The following ARMC8 variants were observed in gnomAD, a reference collection of about 807,000 sequenced individuals.
ARMC8 encodes armadillo repeat containing 8.
A neutral mutation model predicts 99.3 loss-of-function variants in ARMC8; 20 were observed. The ratio of observed to expected loss-of-function variants is 0.20; its 90% CI spans 0.14 to 0.29. The LOEUF (loss-of-function observed/expected upper bound fraction) is 0.29, where lower values mean the gene tolerates loss of function less well. ARMC8 is among the 10% of genes least tolerant of loss of function. The pLI is 1.00. For synonymous variants in ARMC8, 263 were observed against 278.3 expected (o/e 0.95, Z 0.55); for missense variants, 569 against 809.5 (o/e 0.70, Z 3.60).
chr3:138,228,678 T>C (rs745846621), intron 5 of ARMC8: 2 of 509,520 alleles, frequency 3.9e-6, no homozygotes, highest in South Asian at 1.5e-5. Context: ...GAGAGAGTTA[T>C]TGAGAATTTC....
intron 7 of ARMC8, 43 bp downstream of exon 7, chr3:138,235,157 G>A (rs1350086170): frequency 1.5e-6 from 2 of 1,338,618 alleles, no homozygotes; most frequent in Non-Finnish European, 2.1e-6. Flanking sequence ...TACCTTGTTT[G>A]TGATTTCTAG....
chr3:138,262,683 TAAA>T (rs111720907), intron 12 of ARMC8: 2 of 1,052,794 alleles, frequency 1.9e-6, no homozygotes, highest in Non-Finnish European at 2.5e-6. Context: ...GACATAGGAT[TAAA>T]AAAAAAAATC....
At chr3:138,197,682 T>C (rs758042825) in intron 1 of ARMC8, among the ~76,000 whole-genome samples, 8 of 152,298 alleles carry the variant, frequency 5.3e-5, no homozygotes, top group Non-Finnish European at 1.0e-4. Flanking sequence ...TAACCTTGCA[T>C]GTGCTTTCCA....
At chr3:138,213,774 G>C (rs1347449372) in intron 2 of ARMC8, among the ~76,000 whole-genome samples, 1 of 152,196 alleles carries the variant, frequency 6.6e-6, no homozygotes, top group Non-Finnish European at 1.5e-5. Context: ...TAAATCATGA[G>C]TGAAAGCTAC....
intron 12 of ARMC8, among the ~76,000 whole-genome samples, chr3:138,260,695 A>G (rs751527290): frequency 3.9e-5 from 6 of 152,210 alleles, no homozygotes; most frequent in African/African-American, 1.2e-4. Flanking sequence ...TGATTGCTAC[A>G]TCATTCTGGT....
chr3:138,188,269 C>G, intron 1 of ARMC8: 1 of 736,214 alleles, frequency 1.4e-6, no homozygotes. Context: ...GCCTGGTATT[C>G]CGTTTTTCTT....
At chr3:138,208,610 T>G (rs1459106060) in intron 1 of ARMC8, among the ~76,000 whole-genome samples, 2 of 152,222 alleles carry the variant, frequency 1.3e-5, no homozygotes, top group Non-Finnish European at 2.9e-5. Flanking sequence ...TTTACTGATT[T>G]GGAGTTCTGA....
At chr3:138,218,891 T>G (rs2045236024) in intron 2 of ARMC8, among the ~76,000 whole-genome samples, 1 of 152,312 alleles carries the variant, frequency 6.6e-6, no homozygotes, top group Admixed American at 6.5e-5. Flanking sequence ...GGTATCTGAC[T>G]AAAAGTTAGA....
chr3:138,274,370 G>A, intron 17 of ARMC8, 79 bp from the exon 18 acceptor site: 1 of 900,588 alleles, frequency 1.1e-6, no homozygotes, highest in Non-Finnish European at 1.8e-6. Context: ...GAATCATATT[G>A]TTTTAACTTT....
chr3:138,198,576 C>A (rs1386527544), intron 1 of ARMC8, among the ~76,000 whole-genome samples: 1 of 151,708 alleles, frequency 6.6e-6, no homozygotes, highest in South Asian at 2.1e-4. Context: ...GCAGTGGCAC[C>A]GTCTCGGCTC....
chr3:138,264,991 C>T (rs1048457506), intron 14 of ARMC8, among the ~76,000 whole-genome samples: 2 of 151,828 alleles, frequency 1.3e-5, no homozygotes, highest in South Asian at 2.1e-4. Flanking sequence ...TTGTGCCCCC[C>T]GGCCCAAGTG....
intron 2 of ARMC8, among the ~76,000 whole-genome samples, chr3:138,216,301 T>C (rs1341936419): frequency 6.6e-6 from 1 of 152,212 alleles, no homozygotes; most frequent in Non-Finnish European, 1.5e-5. Context: ...TGATATTCAG[T>C]AAATGCCCAA....
intron 5 of ARMC8, among the ~76,000 whole-genome samples, chr3:138,224,039 A>G (rs2045551986): frequency 6.6e-6 from 1 of 150,674 alleles, no homozygotes; most frequent in African/African-American, 2.5e-5. Flanking sequence ...GCTCACTGCA[A>G]CCTTCACCCT....
intron 12 of ARMC8, among the ~76,000 whole-genome samples, chr3:138,253,001 A>G (rs1221669101): frequency 6.6e-6 from 1 of 152,020 alleles, no homozygotes; most frequent in Non-Finnish European, 1.5e-5. Context: ...GACCCTAGAA[A>G]AATTAGATTA....
intron 12 of ARMC8, among the ~76,000 whole-genome samples, chr3:138,254,061 T>C (rs539234252): frequency 6.6e-6 from 1 of 152,364 alleles, no homozygotes; most frequent in African/African-American, 2.4e-5. Flanking sequence ...CATATCTGTG[T>C]TCCTTCTGCA....
At chr3:138,278,377 A>C (rs890019088) in intron 18 of ARMC8, among the ~76,000 whole-genome samples, 4 of 151,900 alleles carry the variant, frequency 2.6e-5, no homozygotes, top group African/African-American at 7.3e-5. Flanking sequence ...ATGGTCACGC[A>C]CCTGTAGTCC....
At chr3:138,284,349 G>A in intron 18 of ARMC8, 82 bp from the exon 19 acceptor site, 1 of 1,041,022 alleles carries the variant, frequency 9.6e-7, no homozygotes, top group Non-Finnish European at 1.5e-6. Flanking sequence ...ACCTTCAAGT[G>A]AAAAATTGCC....
chr3:138,262,467 C>G, intron 12 of ARMC8: 2 of 1,528,998 alleles, frequency 1.3e-6, no homozygotes, highest in Non-Finnish European at 1.8e-6. Context: ...TTCTTCTCTT[C>G]TTGTTTGGCT....
intron 1 of ARMC8, among the ~76,000 whole-genome samples, chr3:138,200,893 C>T (rs1469998850): frequency 1.3e-5 from 2 of 148,720 alleles, no homozygotes; most frequent in Non-Finnish European, 3.0e-5. Flanking sequence ...ATGTACACAC[C>T]CTTCAGTGGG....
Sources: allele counts gnomAD v4.1 joint callset (sites outside exome capture counted in the v4.1 genomes callset), GRCh38; gene constraint gnomAD v4.1.1; transcripts MANE v1.5; gene names NCBI Gene and HGNC (gene_info 2026-07-23, HGNC 2026-07-21).